CRYBG1: variants seen among roughly 807,000 people sequenced by gnomAD.
CRYBG1 encodes the protein crystallin beta-gamma domain containing 1, also known as beta/gamma crystallin domain-containing protein 1.
Under a neutral mutation model 189.2 loss-of-function variants are expected in CRYBG1, and 139 were observed. The observed-to-expected ratio is 0.73, with a 90% CI of 0.64 to 0.85. The LOEUF (loss-of-function observed/expected upper bound fraction) is 0.85, where lower values mean the gene tolerates loss of function less well. Among genes scored for constraint, CRYBG1 ranks in the 40% least tolerant of loss-of-function variants. The pLI is 0.00. For synonymous variants in CRYBG1, 1,023 were observed against 1,017.1 expected, an observed-to-expected ratio of 1.01 and a Z score of -0.11; for missense variants, 2,611 against 2,675.8, an observed-to-expected ratio of 0.98 and a Z score of 0.53.
chr6:106,473,694 C>T (rs140753867), intron 2 of CRYBG1, among the ~76,000 whole-genome samples: 1 of 152,154 alleles, frequency 6.6e-6, no homozygotes, highest in African/African-American at 2.4e-5. Flanking sequence ...TCTTGAATGG[C>T]AAGAATTTTA....
At chr6:106,516,891 G>C (rs1773435622) in intron 3 of CRYBG1, among the ~76,000 whole-genome samples, 1 of 151,542 alleles carries the variant, frequency 6.6e-6, no homozygotes, top group Non-Finnish European at 1.5e-5. Context: ...GTATAAAGTC[G>C]TATATTAATT....
intron 1 of CRYBG1, among the ~76,000 whole-genome samples, chr6:106,450,097 C>A (rs1041831233): frequency 6.6e-6 from 1 of 151,638 alleles, no homozygotes; most frequent in Admixed American, 6.6e-5. Context: ...TGTGGTGGCA[C>A]ATGCCTGTAA....
At chr6:106,371,951 C>A (rs1029621072) in intron 1 of CRYBG1, among the ~76,000 whole-genome samples, 5 of 152,182 alleles carry the variant, frequency 3.3e-5, no homozygotes, top group Admixed American at 6.5e-5. Flanking sequence ...AGGAAACAAC[C>A]AGTCACAATA....
chr6:106,509,820 C>G (rs539729513), intron 2 of CRYBG1, among the ~76,000 whole-genome samples: 1 of 152,078 alleles, frequency 6.6e-6, no homozygotes, highest in African/African-American at 2.4e-5. Flanking sequence ...CCTCTCCCCC[C>G]CACCCCAATT....
At chr6:106,497,463 C>T (rs867362820) in intron 2 of CRYBG1, among the ~76,000 whole-genome samples, 5 of 152,136 alleles carry the variant, frequency 3.3e-5, no homozygotes, top group Non-Finnish European at 7.4e-5. Context: ...TTACACCTGT[C>T]GGCCTTCCCC....
At chr6:106,398,272 T>C (rs1486198965) in intron 1 of CRYBG1, among the ~76,000 whole-genome samples, 1 of 151,800 alleles carries the variant, frequency 6.6e-6, no homozygotes, top group Admixed American at 6.6e-5. Flanking sequence ...CCCAGCACAT[T>C]AGGAGTCCAA....
chr6:106,544,030 C>A (rs1225158284), intron 11 of CRYBG1, among the ~76,000 whole-genome samples: 1 of 152,156 alleles, frequency 6.6e-6, no homozygotes, highest in Admixed American at 6.5e-5. Flanking sequence ...CCAGCCTGGG[C>A]AACAAGAGCG....
At position 106,521,482 on chromosome 6, in the gene CRYBG1, G is replaced by A. The variant is rs187710226; in HGVS notation, c.4245+29G>A. 1.2e-5 allele frequency: 18 copies of A among 1,528,270 alleles called. No homozygotes were observed. The Admixed American group carries it at 3.8e-4, about 32-fold the overall frequency. The allele number at this position is 1,528,270 out of a possible 1,614,324, so 94.7% of individuals were successfully genotyped here. ...AGTAGCAATGTGTTATTATTTATTT[G>A]GGGTATTTTTAAAGCAAGGGAAGAG... On this transcript the variant is annotated intron_variant, in intron 4 of 21. Coordinates refer to ENST00000633556, the MANE Select transcript of CRYBG1 (RefSeq NM_001371242.2).
chr6:106,510,655 C>T (rs977658150), intron 2 of CRYBG1, among the ~76,000 whole-genome samples: 12 of 152,184 alleles, frequency 7.9e-5, no homozygotes, highest in Non-Finnish European at 1.6e-4. Flanking sequence ...CACACCTCCT[C>T]GGCTCTAGGG....
intron 16 of CRYBG1, among the ~76,000 whole-genome samples, chr6:106,555,364 T>G (rs1037742965): frequency 3.9e-5 from 6 of 151,964 alleles, no homozygotes; most frequent in African/African-American, 1.2e-4. Flanking sequence ...GCGAGAAATT[T>G]TGGAAGGAAA....
In CRYBG1 at chr6:106,568,714, C is replaced by T; in HGVS notation, c.*148C>T. The T allele has an allele frequency of 1.7e-6, 1 of 573,584 alleles. No homozygotes were observed. The highest frequency in any genetic ancestry group is 2.6e-5 in the South Asian group (1 of 38,502). 35.5% of individuals were successfully genotyped at this position (573,584 alleles called of 1,614,324 possible). A position where few individuals can be genotyped will look rare whatever the true frequency, so the allele number is the denominator to read the frequency against. On this transcript the variant is annotated 3_prime_UTR_variant, in exon 22 of 22. Transcript: ENST00000633556. The stretch of plus-strand genomic sequence containing the variant: ...AACCTTAAATCATGCTGCCATGACT[C>T]AGAGAACTTACTCATCGTTTCAAAA...
At chr6:106,493,846 A>T (rs941545053) in intron 2 of CRYBG1, among the ~76,000 whole-genome samples, 4 of 152,166 alleles carry the variant, frequency 2.6e-5, no homozygotes, top group Non-Finnish European at 5.9e-5. Context: ...TAGCTAATGG[A>T]TGCTGGGCTT....
intron 8 of CRYBG1, among the ~76,000 whole-genome samples, chr6:106,531,801 CG>C (rs1158430255): frequency 2.0e-5 from 3 of 151,888 alleles, no homozygotes; most frequent in African/African-American, 7.3e-5. Context: ...CCCAGAAGCC[CG>C]ATGGTATTCT....
intron 2 of CRYBG1, among the ~76,000 whole-genome samples, chr6:106,460,040 T>G (rs1048458810): frequency 9.2e-5 from 14 of 152,210 alleles, no homozygotes; most frequent in African/African-American, 1.9e-4. Context: ...TTGTTTGTTT[T>G]TTTGAGACAG....
At chr6:106,530,650 C>T (rs896534796) in intron 8 of CRYBG1, among the ~76,000 whole-genome samples, 9 of 147,814 alleles carry the variant, frequency 6.1e-5, no homozygotes, top group Non-Finnish European at 1.2e-4. Flanking sequence ...ATTCAAAGCA[C>T]ATGCCCCTGA....
chr6:106,506,270 A>G lies in CRYBG1; in HGVS notation c.313-5160A>G, dbSNP rs537060381. 2.6e-5 allele frequency among the ~76,000 whole-genome samples: 4 copies of G among 152,228 alleles called. No homozygotes were observed. In the East Asian group the frequency reaches 5.8e-4, roughly 22 times the overall value. On this transcript the variant is annotated intron_variant, in intron 2 of 21. Coordinates refer to ENST00000633556, the MANE Select transcript of CRYBG1 (RefSeq NM_001371242.2). ...TAGTAGCAGCAAATACTTTATGTCC[A>G]CCTCTAGCTGTCAGTCCCCCATGCT...
chr6:106,436,137 A>G (rs543663773), intron 1 of CRYBG1, among the ~76,000 whole-genome samples: 33 of 151,888 alleles, frequency 2.2e-4, no homozygotes, highest in African/African-American at 6.8e-4. Flanking sequence ...TTTTTATTAA[A>G]TGTTTTTCTT....
At chr6:106,497,800 G>A (rs1471588919) in intron 2 of CRYBG1, among the ~76,000 whole-genome samples, 1 of 152,198 alleles carries the variant, frequency 6.6e-6, no homozygotes, top group African/African-American at 2.4e-5. Flanking sequence ...CTTAAGAACT[G>A]TCAGCTGAGG....
chr6:106,487,372 A>G (rs1772615215), intron 2 of CRYBG1, among the ~76,000 whole-genome samples: 1 of 152,072 alleles, frequency 6.6e-6, no homozygotes, highest in Non-Finnish European at 1.5e-5. Flanking sequence ...TATATTGGTG[A>G]GTTTTGTACT....
Sources: gnomAD v4.1 joint callset for allele counts (sites outside exome capture counted in the v4.1 genomes callset) on GRCh38, gnomAD v4.1.1 for gene constraint, MANE v1.5 for transcripts, NCBI Gene and HGNC (gene_info 2026-07-23, HGNC 2026-07-21) for gene names.